KIAA1958: variants seen among roughly 807,000 people sequenced by gnomAD.
KIAA1958 encodes the protein uncharacterized protein KIAA1958.
A neutral mutation model predicts 47.2 loss-of-function variants in KIAA1958; 14 were observed. That is an observed-to-expected ratio of 0.30 (90% confidence interval 0.20 to 0.46). The LOEUF (loss-of-function observed/expected upper bound fraction) is 0.46. Ranked by LOEUF, KIAA1958 falls within the 20% of genes least tolerant of loss-of-function variation. KIAA1958 has a pLI of 1.00. For missense variants in KIAA1958, 803 were observed against 909.2 expected, an observed-to-expected ratio of 0.88 and a Z score of 1.50; for synonymous variants, 354 against 353.3, an observed-to-expected ratio of 1.00 and a Z score of -0.02.
intron 1 of KIAA1958, among the ~76,000 whole-genome samples, chr9:112,550,597 A>G (rs1835124371): frequency 6.6e-6 from 1 of 152,194 alleles, no homozygotes; most frequent in Non-Finnish European, 1.5e-5. Flanking sequence ...AAATCAGTGC[A>G]GGGAAAAGGC....
In KIAA1958 at chr9:112,660,447, G is replaced by A. The variant is rs555688904; in HGVS notation, c.*378G>A. 94 of 214,174 alleles carry A rather than the reference G, an allele frequency of 4.4e-4. No individual in the cohort carries two copies. Among genetic ancestry groups the A allele is most frequent in the Non-Finnish European group, 4.6e-4 (49 of 105,718 alleles). 13.3% of individuals were successfully genotyped at this position (214,174 alleles called of 1,614,324 possible). A position where few individuals can be genotyped will look rare whatever the true frequency, so the allele number is the denominator to read the frequency against. ...CGTTTAAAAAAAAAATCCCAGTAGC[G>A]CAGTAGCTTTAGAACGTTAGGAAGA... On this transcript the variant is annotated 3_prime_UTR_variant, in exon 4 of 4. Coordinates refer to ENST00000337530, the MANE Select transcript of KIAA1958 (RefSeq NM_133465.4).
chr9:112,508,977 TAAAG>T (rs1454321027), intron 1 of KIAA1958, among the ~76,000 whole-genome samples: 3 of 152,154 alleles, frequency 2.0e-5, no homozygotes, highest in Non-Finnish European at 2.9e-5. Flanking sequence ...AATTATTTGA[TAAAG>T]AAGATACTAA....
rs1000799411 is a variant in KIAA1958, at chr9:112,662,564, G to A, written c.*2495G>A. 3 of 152,330 alleles carry A rather than the reference G, an allele frequency of 2.0e-5. No individual in the cohort carries two copies. The highest frequency in any genetic ancestry group is 7.2e-5 in the African/African-American group (3 of 41,464). 9.4% of individuals were successfully genotyped at this position (152,330 alleles called of 1,614,324 possible). The stretch of plus-strand genomic sequence containing the variant: ...AATCCCAGCACTTTGGGAGGCCAAG[G>A]TGGGCAGATCACTTGAGGTCAGGAG... On this transcript the variant is annotated 3_prime_UTR_variant, in exon 4 of 4. Transcript: ENST00000337530.
intron 2 of KIAA1958, among the ~76,000 whole-genome samples, chr9:112,630,265 C>A: frequency 6.6e-6 from 1 of 152,224 alleles, no homozygotes; most frequent in East Asian, 1.9e-4. Flanking sequence ...AATTAACTCA[C>A]TTGTTTTTGT....
intron 1 of KIAA1958, among the ~76,000 whole-genome samples, chr9:112,554,227 C>T (rs184235613): frequency 3.9e-5 from 6 of 152,210 alleles, no homozygotes; most frequent in Admixed American, 2.6e-4. Context: ...AGGCTGGGTG[C>T]GGTGGCTCAC....
chr9:112,583,570 C>T (rs1835770379), intron 2 of KIAA1958, among the ~76,000 whole-genome samples: 1 of 152,054 alleles, frequency 6.6e-6, no homozygotes, highest in African/African-American at 2.4e-5. Flanking sequence ...ATCAGTTAAC[C>T]TTAGTGTCTA....
At chr9:112,558,023 G>A (rs750899301) in intron 1 of KIAA1958, among the ~76,000 whole-genome samples, 4 of 152,016 alleles carry the variant, frequency 2.6e-5, no homozygotes, top group Admixed American at 6.6e-5. Context: ...TCAGGAGATC[G>A]AGACCATCCT....
chr9:112,549,367 G>C (rs1428490808), intron 1 of KIAA1958, among the ~76,000 whole-genome samples: 1 of 152,016 alleles, frequency 6.6e-6, no homozygotes, highest in East Asian at 1.9e-4. Context: ...TTCATAACTT[G>C]TATCTTGCTA....
chr9:112,619,562 A>G (rs988124625), intron 2 of KIAA1958, among the ~76,000 whole-genome samples: 2 of 151,852 alleles, frequency 1.3e-5, no homozygotes, highest in Non-Finnish European at 2.9e-5. Flanking sequence ...TTTTGGGGGG[A>G]AAGGGTAGAA....
At chr9:112,506,509 T>G (rs1361772759) in intron 1 of KIAA1958, among the ~76,000 whole-genome samples, 1 of 152,134 alleles carries the variant, frequency 6.6e-6, no homozygotes, top group Admixed American at 6.5e-5. Context: ...TCATGGTAAT[T>G]AAGGATAATT....
chr9:112,663,361 G>A lies in KIAA1958; in HGVS notation c.*3292G>A, dbSNP rs1443056944. The A allele has an allele frequency of 6.6e-6, 1 of 152,102 alleles. No homozygotes were observed. Among genetic ancestry groups the A allele is most frequent in the Non-Finnish European group, 1.5e-5 (1 of 68,026 alleles). 9.4% of individuals were successfully genotyped at this position (152,102 alleles called of 1,614,324 possible). A position where few individuals can be genotyped will look rare whatever the true frequency, so the allele number is the denominator to read the frequency against. ...TTGAATATAGTTTAGTGCGGTACCA[G>A]GCACATCATAAGCATGCAATAAATG... On this transcript the variant is annotated 3_prime_UTR_variant, in exon 4 of 4. Coordinates refer to ENST00000337530, the MANE Select transcript of KIAA1958 (RefSeq NM_133465.4).
At chr9:112,605,723 C>A (rs1159926509) in intron 2 of KIAA1958, among the ~76,000 whole-genome samples, 3 of 152,180 alleles carry the variant, frequency 2.0e-5, no homozygotes, top group African/African-American at 7.2e-5. Context: ...TTCAGTTTCT[C>A]AAATTTTGTT....
chr9:112,634,571 A>AT (rs1292361823), intron 2 of KIAA1958, among the ~76,000 whole-genome samples: 2 of 151,810 alleles, frequency 1.3e-5, no homozygotes, highest in South Asian at 2.1e-4. Context: ...CTTCTAAATG[A>AT]TTTTTTTCCT....
At chr9:112,590,114 CTGGGGGCT>C (rs1219541199) in intron 2 of KIAA1958, among the ~76,000 whole-genome samples, 6 of 152,184 alleles carry the variant, frequency 3.9e-5, no homozygotes, top group African/African-American at 1.4e-4. Flanking sequence ...TTGGCATCAC[CTGGGGGCT>C]TGCTTAAAAT....
chr9:112,641,528 C>A (rs1588051269), intron 2 of KIAA1958, among the ~76,000 whole-genome samples: 1 of 149,372 alleles, frequency 6.7e-6, no homozygotes, highest in African/African-American at 2.5e-5. Flanking sequence ...TTCAGTATTT[C>A]TATTTGACAG....
chr9:112,651,299 G>A (rs1837050957), intron 3 of KIAA1958, among the ~76,000 whole-genome samples: 1 of 151,292 alleles, frequency 6.6e-6, no homozygotes, highest in South Asian at 2.1e-4. Context: ...TTAATTAAAA[G>A]GGTTAAAATC....
chr9:112,597,639 C>T (rs752991030), intron 2 of KIAA1958, among the ~76,000 whole-genome samples: 1 of 152,134 alleles, frequency 6.6e-6, no homozygotes, highest in Non-Finnish European at 1.5e-5. Flanking sequence ...ATCTCTAACT[C>T]CTTCGTTAGA....
At chr9:112,513,525 G>GCAGTGCGGAGCCGGGA (rs1160437124) in intron 1 of KIAA1958, among the ~76,000 whole-genome samples, 24 of 99,116 alleles carry the variant, frequency 2.4e-4, no homozygotes, top group South Asian at 3.9e-4. Context: ...GCGGCCCGGG[G>GCAGTGCGGAGCCGGGA]CAGTGCGGAG....
chr9:112,500,315 G>C (rs756942684), intron 1 of KIAA1958, among the ~76,000 whole-genome samples: 1 of 152,092 alleles, frequency 6.6e-6, no homozygotes, highest in African/African-American at 2.4e-5. Context: ...TGGCCAGGCT[G>C]GTCTCGAACT....
Sources: allele counts gnomAD v4.1 joint callset (sites outside exome capture counted in the v4.1 genomes callset), GRCh38; gene constraint gnomAD v4.1.1; transcripts MANE v1.5; gene names NCBI Gene and HGNC (gene_info 2026-07-23, HGNC 2026-07-21).